DRC9: variants seen among roughly 807,000 people sequenced by gnomAD.
The protein encoded by DRC9 is dynein regulatory complex subunit 9, also known as dynein regulatory complex protein 9.
chr3:197,889,762 GCTGCATTCTTT>G, the DRC9 span: 9 of 1,607,264 alleles, frequency 5.6e-6, no homozygotes, highest in Non-Finnish European at 6.8e-6. Context: ...TGCCTGACAA[GCTGCATTCTTT>G]CCACATAAAG....
At chr3:197,959,896 G>A in the DRC9 span, 1 of 379,990 alleles carries the variant, frequency 2.6e-6, no homozygotes, top group Non-Finnish European at 4.8e-6. Flanking sequence ...TTGTATGTAC[G>A]TCTAAACACC....
At chr3:197,954,068 C>T in the DRC9 span, 1 of 1,614,054 alleles carries the variant, frequency 6.2e-7, no homozygotes. Context: ...GTAACTCGGG[C>T]CCATGGAAAC....
chr3:197,910,960 A>G, the DRC9 span, among the ~76,000 whole-genome samples: 6 of 151,284 alleles, frequency 4.0e-5, no homozygotes, highest in Admixed American at 2.0e-4. Flanking sequence ...CAGTAAAGCA[A>G]GACTGCATCT....
the DRC9 span, chr3:197,891,355 T>C: frequency 1.4e-6 from 1 of 707,992 alleles, no homozygotes. Context: ...TTCCTTGATA[T>C]ACTGAGATGT....
chr3:197,908,957 C>A, the DRC9 span, among the ~76,000 whole-genome samples: 2 of 152,246 alleles, frequency 1.3e-5, no homozygotes, highest in African/African-American at 4.8e-5. Flanking sequence ...CCAAGGCATC[C>A]TCCCAGATGA....
the DRC9 span, among the ~76,000 whole-genome samples, chr3:197,929,922 ACT>A: frequency 1.3e-5 from 2 of 152,114 alleles, no homozygotes; most frequent in Admixed American, 1.3e-4. This position sits in a 1 kb window ranked among gnomAD's most constrained non-coding sequence, Gnocchi z 4.6. Flanking sequence ...CAAGAGTGAA[ACT>A]CTGTCTCAAA....
At chr3:197,914,462 C>T in the DRC9 span, among the ~76,000 whole-genome samples, 6 of 152,268 alleles carry the variant, frequency 3.9e-5, no homozygotes, top group South Asian at 2.1e-4. Flanking sequence ...ACCCAACCTG[C>T]CTGAAGTATC....
chr3:197,911,140 CAT>C, the DRC9 span, among the ~76,000 whole-genome samples: 13 of 152,068 alleles, frequency 8.5e-5, no homozygotes, highest in East Asian at 1.9e-4. Context: ...ATTGAGTAAA[CAT>C]GTGGAAAAAT....
At chr3:197,925,708 C>G in the DRC9 span, among the ~76,000 whole-genome samples, 2 of 151,578 alleles carry the variant, frequency 1.3e-5, no homozygotes, top group Non-Finnish European at 2.9e-5. Context: ...CTCAGCCTCC[C>G]AAGTAGCTGG....
chr3:197,960,040 T>C, the DRC9 span: 5 of 598,972 alleles, frequency 8.3e-6, no homozygotes, highest in Admixed American at 3.0e-5. Flanking sequence ...CCAAACAGCA[T>C]TTATTGGCCG....
At chr3:197,924,083 C>T in the DRC9 span, among the ~76,000 whole-genome samples, 15 of 151,290 alleles carry the variant, frequency 9.9e-5, no homozygotes, top group South Asian at 2.1e-3. Flanking sequence ...AGGCTGGGCA[C>T]GGTGGCTCAC....
chr3:197,900,720 G>C, the DRC9 span, among the ~76,000 whole-genome samples: 1 of 152,134 alleles, frequency 6.6e-6, no homozygotes, highest in Non-Finnish European at 1.5e-5. This position sits in a 1 kb window ranked among gnomAD's most constrained non-coding sequence, Gnocchi z 4.7. Flanking sequence ...AGCCGCAGTA[G>C]AATAGGGCAC....
chr3:197,942,232 A>C, the DRC9 span, among the ~76,000 whole-genome samples: 1 of 151,768 alleles, frequency 6.6e-6, no homozygotes, highest in African/African-American at 2.4e-5. Context: ...AATCTTATCT[A>C]AACTTTTTAA....
At chr3:197,946,581 G>A in the DRC9 span, among the ~76,000 whole-genome samples, 66 of 152,186 alleles carry the variant, frequency 4.3e-4, no homozygotes, top group South Asian at 7.7e-3. Flanking sequence ...AGAAGTTTGC[G>A]TTGTACTGAA....
chr3:197,915,160 T>C, the DRC9 span, among the ~76,000 whole-genome samples: 25,731 of 98,664 alleles, frequency 0.26, 4,215 homozygotes, highest in African/African-American at 0.53. Flanking sequence ...CGAGATTCTG[T>C]CTCAAAAAAA....
the DRC9 span, chr3:197,913,621 G>C: frequency 3.4e-6 from 2 of 584,052 alleles, no homozygotes; most frequent in Non-Finnish European, 6.1e-6. Context: ...GCCAAAATAA[G>C]AAGTGACCAA....
the DRC9 span, among the ~76,000 whole-genome samples, chr3:197,953,284 G>A: frequency 6.6e-6 from 1 of 152,204 alleles, no homozygotes; most frequent in Non-Finnish European, 1.5e-5. Flanking sequence ...CCCTAGGTGG[G>A]AGGATTGCTT....
At chr3:197,938,509 A>C in the DRC9 span, 1 of 1,501,878 alleles carries the variant, frequency 6.7e-7, no homozygotes, top group Non-Finnish European at 9.3e-7. Flanking sequence ...ATCTATGTGT[A>C]AATACGTTAT....
chr3:197,894,503 A>G, the DRC9 span: 2 of 152,194 alleles, frequency 1.3e-5, no homozygotes, highest in African/African-American at 4.8e-5. Flanking sequence ...ACATTTTAAG[A>G]GTTGTGCTCA....
Sources: gnomAD v4.1 joint callset for allele counts (sites outside exome capture counted in the v4.1 genomes callset) on GRCh38, gnomAD v4.1.1 for gene constraint, Gnocchi (gnomAD v3.1) non-coding constraint, MANE v1.5 for transcripts, NCBI Gene and HGNC (gene_info 2026-07-23, HGNC 2026-07-21) for gene names.